SHQ1: variants seen among roughly 807,000 people sequenced by gnomAD.
The protein encoded by SHQ1 is protein SHQ1 homolog.
A neutral mutation model predicts 53.8 loss-of-function variants in SHQ1; 49 were observed. That is an observed-to-expected ratio of 0.91 (90% CI 0.72 to 1.16). The LOEUF (loss-of-function observed/expected upper bound fraction) is 1.16, where lower values mean the gene tolerates loss of function less well. Among genes scored for constraint, SHQ1 ranks in the 50% most tolerant of loss-of-function variants. The pLI, the probability that SHQ1 is intolerant of heterozygous loss-of-function variation, is 0.00. For missense variants in SHQ1, 738 were observed against 683.1 expected (o/e 1.08, Z -0.90); for synonymous variants, 243 against 251.0 (o/e 0.97, Z 0.30).
At chr3:72,793,115 G>C (rs1706493553) in intron 9 of SHQ1, 79 bp from the exon 10 acceptor site, 10 of 1,264,886 alleles carry the variant, frequency 7.9e-6, no homozygotes, top group African/African-American at 1.5e-5. Flanking sequence ...ATCTAAAGCA[G>C]CTCAGAATCC....
intron 10 of SHQ1, among the ~76,000 whole-genome samples, chr3:72,785,588 T>G (rs953088842): frequency 6.6e-6 from 1 of 152,228 alleles, no homozygotes; most frequent in African/African-American, 2.4e-5. Flanking sequence ...TAGACCCTCT[T>G]GTTCAACAAT....
chr3:72,803,632 C>A (rs983489055), intron 9 of SHQ1, among the ~76,000 whole-genome samples: 2 of 152,164 alleles, frequency 1.3e-5, no homozygotes, highest in African/African-American at 4.8e-5. Context: ...TAAATTTTCT[C>A]TGTAAAGAGA....
chr3:72,789,267 C>T (rs1706361134), intron 10 of SHQ1, among the ~76,000 whole-genome samples: 1 of 152,138 alleles, frequency 6.6e-6, no homozygotes, highest in Admixed American at 6.5e-5. Flanking sequence ...TTTTCTATCC[C>T]ACCTTATATA....
intron 5 of SHQ1, among the ~76,000 whole-genome samples, chr3:72,825,224 G>A (rs1049595875): frequency 6.6e-6 from 1 of 151,964 alleles, no homozygotes; most frequent in African/African-American, 2.4e-5. Context: ...TAGCACTTGT[G>A]CTAGGTATGC....
At position 72,848,280 on chromosome 3, in the gene SHQ1, C is replaced by G. The variant is rs754842146; in HGVS notation, c.61G>C (p.Val21Leu). ...AACTCGGAGACCCGGGCGTAGGGCA[C>G]GCGGATGGCGATAGTCAGGAAGTCC... The part of the protein sequence containing the change: ...DPDFLTIAIR[V>L]PYARVSEFDV... Residue 21 changes from valine to leucine, a missense_variant, in exon 1 of 11, where the codon GTG becomes CTG. Val to Leu is a conservative substitution (Grantham distance 32). Coordinates refer to ENST00000325599, the MANE Select transcript of SHQ1 (RefSeq NM_018130.3). 6.2e-7 allele frequency: 1 copy of G among 1,614,178 alleles called. No individual in the cohort carries two copies. The highest frequency in any genetic ancestry group is 2.2e-5 in the East Asian group (1 of 44,864).
intron 10 of SHQ1, among the ~76,000 whole-genome samples, chr3:72,791,417 A>G (rs1465803197): frequency 6.6e-6 from 1 of 152,212 alleles, no homozygotes; most frequent in Non-Finnish European, 1.5e-5. Flanking sequence ...GTATGTTATT[A>G]GGCATTATCT....
In SHQ1 at chr3:72,750,574, C is replaced by CT; in HGVS notation, c.1443dup (p.Asp482ArgfsTer2). 1 of 1,614,238 alleles carries CT rather than the reference C, an allele frequency of 6.2e-7. No individual in the cohort carries two copies. The highest frequency in any genetic ancestry group is 1.7e-5 in the Admixed American group (1 of 60,026). On this transcript the variant is annotated frameshift_variant, in exon 11 of 11. Coordinates refer to ENST00000325599, the MANE Select transcript of SHQ1 (RefSeq NM_018130.3). LOFTEE classifies it low-confidence loss of function (END_TRUNC). ...GAACTGACTGTCTCAGATGGACTAT[C>CT]TTTGAGTTCATCTTGTTCTGAATCT... is the stretch of plus-strand genomic sequence containing the variant.
At chr3:72,740,412 G>A in the SHQ1 span, among the ~76,000 whole-genome samples, 98 of 152,332 alleles carry the variant, frequency 6.4e-4, no homozygotes, top group African/African-American at 2.3e-3. Flanking sequence ...CACTGAAGAT[G>A]GTGGTACAGA....
intron 10 of SHQ1, among the ~76,000 whole-genome samples, chr3:72,776,365 G>C (rs1029991129): frequency 6.6e-6 from 1 of 152,148 alleles, no homozygotes; most frequent in African/African-American, 2.4e-5. Flanking sequence ...ACTGTCTACA[G>C]TATTCAGGAT....
chr3:72,753,201 GT>G (rs1705426706), intron 10 of SHQ1: 16 of 985,252 alleles, frequency 1.6e-5, no homozygotes, highest in Non-Finnish European at 1.9e-5. Flanking sequence ...TGGTTTCTAT[GT>G]TTCCCTGACT....
intron 9 of SHQ1, among the ~76,000 whole-genome samples, chr3:72,808,757 A>G (rs181075499): frequency 0.015 from 2,219 of 147,838 alleles, 54 homozygotes; most frequent in African/African-American, 0.054. Context: ...ACCTGTATGT[A>G]TTATTAACAC....
intron 1 of SHQ1, among the ~76,000 whole-genome samples, 159 bp downstream of exon 1, chr3:72,848,037 ACC>A (rs1309782428): frequency 3.9e-5 from 6 of 152,040 alleles, no homozygotes; most frequent in African/African-American, 1.4e-4. Flanking sequence ...TCTAAAACGC[ACC>A]CCTGGAAGAG....
chr3:72,828,701 AAG>A (rs1707739039), intron 5 of SHQ1, among the ~76,000 whole-genome samples: 1 of 152,148 alleles, frequency 6.6e-6, no homozygotes, highest in Non-Finnish European at 1.5e-5. Flanking sequence ...TCTCAAAAAA[AAG>A]AGAGAGAAAA....
chr3:72,835,303 A>C (rs1390602578), intron 4 of SHQ1, among the ~76,000 whole-genome samples: 2 of 151,994 alleles, frequency 1.3e-5, no homozygotes, highest in African/African-American at 4.8e-5. Context: ...AGATAATACA[A>C]GTAAGGAACA....
At chr3:72,846,122 A>G (rs1454724730) in intron 1 of SHQ1, 8 of 1,275,950 alleles carry the variant, frequency 6.3e-6, no homozygotes, top group Non-Finnish European at 8.7e-6. Context: ...GTGAGCATTC[A>G]GAAAATGTGA....
At chr3:72,801,781 T>C (rs539902812) in intron 9 of SHQ1, among the ~76,000 whole-genome samples, 1 of 152,242 alleles carries the variant, frequency 6.6e-6, no homozygotes, top group Admixed American at 6.5e-5. Flanking sequence ...TATCTCTACA[T>C]ATAAGTTTAA....
At chr3:72,796,537 C>G (rs1706628054) in intron 9 of SHQ1, among the ~76,000 whole-genome samples, 1 of 152,106 alleles carries the variant, frequency 6.6e-6, no homozygotes, top group Non-Finnish European at 1.5e-5. Flanking sequence ...TGTCAAATAA[C>G]AGGCAGGGCA....
the SHQ1 span, among the ~76,000 whole-genome samples, chr3:72,741,705 C>CTGTCTCTTCTGTA: frequency 6.6e-6 from 1 of 152,110 alleles, no homozygotes; most frequent in Admixed American, 6.6e-5. Flanking sequence ...GATGTTATTA[C>CTGTCTCTTCTGTA]ATTCCTGTCT....
At chr3:72,832,755 A>G (rs745437125) in intron 4 of SHQ1, among the ~76,000 whole-genome samples, 14 of 152,222 alleles carry the variant, frequency 9.2e-5, no homozygotes, top group Admixed American at 1.3e-4. Flanking sequence ...AACATAAAAA[A>G]CAGAATGGAA....
Sources: allele counts gnomAD v4.1 joint callset (sites outside exome capture counted in the v4.1 genomes callset), GRCh38; gene constraint gnomAD v4.1.1; transcripts MANE v1.5; gene names NCBI Gene and HGNC (gene_info 2026-07-23, HGNC 2026-07-21).